The following FLNC variants were observed in gnomAD, a reference collection of about 807,000 sequenced individuals.
The protein encoded by FLNC is filamin-C.
Under a neutral mutation model 254.3 loss-of-function variants are expected in FLNC, and 91 were observed. The ratio of observed to expected loss-of-function variants is 0.36; its 90% confidence interval spans 0.30 to 0.43. The LOEUF (loss-of-function observed/expected upper bound fraction) is 0.43, where lower values mean the gene tolerates loss of function less well. Ranked by LOEUF, FLNC falls within the 20% of genes least tolerant of loss-of-function variation. The pLI, the probability that FLNC is intolerant of heterozygous loss-of-function variation, is 1.00. For missense variants in FLNC, 2,853 were observed against 3,802.6 expected (o/e 0.75, Z 6.57); for synonymous variants, 1,430 against 1,577.2 (o/e 0.91, Z 2.21).
chr7:128,840,881 G>A lies in FLNC; in HGVS notation c.1724G>A (p.Arg575Gln), dbSNP rs764751276. The change falls in exon 11 of 48, where the codon CGG becomes CAG. Residue 575 changes from arginine to glutamine, a missense_variant. By Grantham distance (43) the Arg-to-Gln change is conservative. Transcript: ENST00000325888. ...CCAGAGGCAGGAGTGCAAAAGGTCCGGGCCTGGGGTCCTGGTTTGGAGACT... is the reference window on the plus strand; with the variant it reads ...CCAGAGGCAGGAGTGCAAAAGGTCCAGGCCTGGGGTCCTGGTTTGGAGACT... ...VSPEAGVQKV[R>Q]AWGPGLETGQ... is the part of the protein sequence containing the mutation. The A allele has an allele frequency of 1.4e-5, 22 of 1,613,858 alleles. No individual in the cohort carries two copies. Among genetic ancestry groups the A allele is most frequent in the Non-Finnish European group, 1.4e-5 (17 of 1,179,992 alleles).
Position 128,842,345 on chromosome 7 carries a change from G to A in FLNC, c.2236G>A (p.Gly746Ser). ...IKHTIIISWG[G>S]VNVPKSPFRV... is the part of the protein sequence containing the mutation. ...GCACACCATCATCATCTCCTGGGGA[G>A]GCGTAAACGTGCCCAAGAGCCCCTT... Residue 746 changes from glycine (G) to serine (S), a missense_variant, in exon 14 of 48, where the codon GGC becomes AGC. Transcript: ENST00000325888. This position sits in a 1 kb window ranked among gnomAD's most constrained non-coding sequence, Gnocchi z 5.4. The A allele has an allele frequency of 6.2e-7, 1 of 1,613,706 alleles. No individual in the cohort carries two copies. Among genetic ancestry groups the A allele is most frequent in the Non-Finnish European group, 8.5e-7 (1 of 1,180,028 alleles).
At position 128,837,497 on chromosome 7, in the gene FLNC, CCT is replaced by C. The variant is rs1382352158; in HGVS notation, c.800_801del (p.Pro267ArgfsTer51). On this transcript the variant is annotated frameshift_variant, in exon 4 of 48. Coordinates refer to ENST00000325888, the MANE Select transcript of FLNC (RefSeq NM_001458.5). LOFTEE classifies it high-confidence loss of function. ...FPKAKLKPGA[P>X]VRSKQLNPKK... ...CAAGGCCAAGCTCAAACCTGGTGCC[CCT>C]GTTCGATCCAAGCAGCTGAACCCCA... 6.2e-7 allele frequency: 1 copy of C among 1,614,196 alleles called. No homozygotes were observed. Among genetic ancestry groups the C allele is most frequent in the East Asian group, 2.2e-5 (1 of 44,884 alleles).
Position 128,857,502 on chromosome 7 carries a change from G to A in FLNC, c.7780+166G>A, listed in dbSNP as rs555577538. Among the ~76,000 whole-genome samples the A allele has an allele frequency of 2.7e-5, 4 of 150,778 alleles. No individual in the cohort carries two copies. In the South Asian group the frequency reaches 6.3e-4, roughly 24 times the overall value. ...TACACAGTACACGTTCTGTGGAGTC[G>A]GGCATGATCACGTAAAAATGCCATT... On this transcript the variant is annotated intron_variant, in intron 46 of 47. Transcript: ENST00000325888. This position sits in a 1 kb window ranked among gnomAD's most constrained non-coding sequence, Gnocchi z 4.5.
At chr7:128,849,951 G>A (rs1307867229) in intron 30 of FLNC, 25 bp from the exon 31 acceptor site, 33 of 1,514,746 alleles carry the variant, frequency 2.2e-5, no homozygotes, top group Non-Finnish European at 3.0e-5. Context: ...GCCACACCCT[G>A]TGCCCCCGTG....
chr7:128,830,584 C>G lies in FLNC; in HGVS notation c.-54C>G. ...GCGCCCCAACAGCGCCCGACAGCCC[C>G]CGATAGCCCAAACCGCGGCCCTAGC... On this transcript the variant is annotated 5_prime_UTR_variant, in exon 1 of 48. Coordinates refer to ENST00000325888, the MANE Select transcript of FLNC (RefSeq NM_001458.5). 6.5e-7 allele frequency: 1 copy of G among 1,530,852 alleles called. No homozygotes were observed. The highest frequency in any genetic ancestry group is 9.0e-7 in the Non-Finnish European group (1 of 1,113,624). The allele number at this position is 1,530,852 out of a possible 1,614,324, so 94.8% of individuals were successfully genotyped here.
rs988307328 is a variant in FLNC, at chr7:128,844,209, C to A, written c.3135C>A (p.His1045Gln). ...PYKVDITYDG[H>Q]PVPGSPFAVE... is the part of the protein sequence containing the mutation. ...AGGTGGATATCACCTACGATGGTCACCCGGTGCCTGGCAGCCCGTTTGCTG... is the reference window on the plus strand; with the variant it reads ...AGGTGGATATCACCTACGATGGTCAACCGGTGCCTGGCAGCCCGTTTGCTG... Residue 1045 changes from histidine to glutamine, a missense_variant, in exon 20 of 48, where the codon CAC (histidine) becomes CAA (glutamine). Transcript: ENST00000325888. The A allele has an allele frequency of 1.9e-6, 3 of 1,612,400 alleles. No individual in the cohort carries two copies. Among genetic ancestry groups the A allele is most frequent in the Non-Finnish European group, 2.5e-6 (3 of 1,179,054 alleles).
At position 128,851,417 on chromosome 7, in the gene FLNC, G is replaced by A. The variant is rs200734118; in HGVS notation, c.5669-38G>A. On this transcript the variant is annotated intron_variant, in intron 34 of 47. Transcript: ENST00000325888. ...GAGACTCACCAGGGGCAGGGGTGAG[G>A]GCAGGACCTCTGATCTTGGCCACAC... is the stretch of plus-strand genomic sequence containing the variant. 4 of 1,607,548 alleles carry A rather than the reference G, an allele frequency of 2.5e-6. No homozygotes were observed. The East Asian group carries it at 8.9e-5, about 36-fold the overall frequency.
In FLNC at chr7:128,850,845, T is replaced by C; in HGVS notation, c.5441T>C (p.Ile1814Thr). Residue 1814 changes from isoleucine (I) to threonine (T), a missense_variant, in exon 33 of 48, where the codon ATC becomes ACC. Physicochemically the swap from Ile to Thr is moderately conservative, Grantham distance 89. Transcript: ENST00000325888. ...MPSGKTARPNITDNKDGTITV... is the reference protein window; with the variant it reads ...MPSGKTARPNTTDNKDGTITV... ...TCGGGGAAGACGGCACGGCCCAACA[T>C]CACCGACAACAAGGACGGCACCATC... The C allele has an allele frequency of 6.2e-7, 1 of 1,612,642 alleles. No individual in the cohort carries two copies. Among genetic ancestry groups the C allele is most frequent in the Non-Finnish European group, 8.5e-7 (1 of 1,179,858 alleles).
rs1258969168 is a variant in FLNC at position 128,842,690 on chromosome 7, C to T, written c.2381C>T (p.Ala794Val). The change falls in exon 15 of 48, where the codon GCG (alanine) becomes GTG (valine). Residue 794 changes from alanine to valine, a missense_variant. Transcript: ENST00000325888. The surrounding 1 kb of genome is among the most constrained non-coding windows in gnomAD (Gnocchi z 5.4). ...PTYFTVDCSE[A>V]GQGDVSIGIK... ...TACTTCACGGTGGACTGCAGCGAGG[C>T]GGGGCAAGGTGCGCCCAGCCGGAAG... The T allele has an allele frequency of 4.2e-6, 5 of 1,185,112 alleles. No homozygotes were observed. The highest frequency in any genetic ancestry group is 4.4e-5 in the East Asian group (1 of 22,894). 73.4% of individuals were successfully genotyped at this position (1,185,112 alleles called of 1,614,324 possible). A position where few individuals can be genotyped will look rare whatever the true frequency, so the allele number is the denominator to read the frequency against.
intron 1 of FLNC, among the ~76,000 whole-genome samples, chr7:128,834,168 C>T (rs1808000808): frequency 6.6e-6 from 1 of 152,258 alleles, no homozygotes; most frequent in Non-Finnish European, 1.5e-5. Flanking sequence ...TTCCAGCCTC[C>T]TGAAAGCAGT....
chr7:128,836,047 C>A lies in FLNC; in HGVS notation c.601+473C>A, dbSNP rs1808083354. ...TCTTCTCTGGGAGACCCTGGGATGA[C>A]TTTGAGAAGGGGTTGAGGCTCAGGA... On this transcript the variant is annotated intron_variant, in intron 2 of 47. Coordinates refer to ENST00000325888, the MANE Select transcript of FLNC (RefSeq NM_001458.5). The surrounding 1 kb of genome is among the most constrained non-coding windows in gnomAD (Gnocchi z 6.0). 6.6e-6 allele frequency among the ~76,000 whole-genome samples: 1 copy of A among 152,152 alleles called. No individual in the cohort carries two copies. The highest frequency in any genetic ancestry group is 2.4e-5 in the African/African-American group (1 of 41,434).
chr7:128,830,835 C>T lies in FLNC; in HGVS notation c.198C>T (p.Asp66=), dbSNP rs764772679. 21 of 1,612,984 alleles carry T rather than the reference C, an allele frequency of 1.3e-5. No homozygotes were observed. Among genetic ancestry groups the T allele is most frequent in the Non-Finnish European group, 1.8e-5 (21 of 1,179,960 alleles). ...CCGACCTGCAGCGCGACCTCAGCGACGGGCTCCGGCTCATCGCGCTGCTCG... is the reference window on the plus strand; with the variant it reads ...CCGACCTGCAGCGCGACCTCAGCGATGGGCTCCGGCTCATCGCGCTGCTCG... ...RLTDLQRDLS[D]GLRLIALLEV... Residue 66 remains aspartate, a synonymous_variant, in exon 1 of 48, where the codon GAC becomes GAT. Transcript: ENST00000325888.
chr7:128,854,822 A>G lies in FLNC; in HGVS notation c.7045A>G (p.Ile2349Val). The G allele has an allele frequency of 6.2e-7, 1 of 1,614,048 alleles. No individual in the cohort carries two copies. Reference protein sequence around the residue: ...TREAGAGGLSIAVEGPSKAEI... With the variant: ...TREAGAGGLSVAVEGPSKAEI... ...GGAGGCTGGCGCTGGGGGCCTGTCC[A>G]TTGCTGTGGAGGGTCCTAGCAAAGC... is the stretch of plus-strand genomic sequence containing the variant. The change falls in exon 42 of 48, where the codon ATT (isoleucine) becomes GTT (valine). Residue 2349 changes from isoleucine (I) to valine (V), a missense_variant. By Grantham distance (29) the Ile-to-Val change is conservative. Transcript: ENST00000325888.
chr7:128,849,707 G>A, intron 30 of FLNC, 129 bp downstream of exon 30: 2 of 1,263,858 alleles, frequency 1.6e-6, no homozygotes, highest in South Asian at 1.4e-5. Flanking sequence ...GGGCCAGAGT[G>A]CTCCAGGATG....
In FLNC at chr7:128,837,409, T is replaced by G. The variant is rs749217540; in HGVS notation, c.711T>G (p.Pro237=). 9 of 1,614,084 alleles carry G rather than the reference T, an allele frequency of 5.6e-6. No individual in the cohort carries two copies. In the Admixed American group the frequency reaches 1.5e-4, roughly 27 times the overall value. The change falls in exon 4 of 48, where the codon CCT becomes CCG. Residue 237 remains proline (P), a synonymous_variant. Transcript: ENST00000325888. ...DWLGVPQVIA[P]EEIVDPNVDE... Reference sequence around the variant, plus strand: ...CCTTTCCATCGCAGGTCATTGCCCCTGAGGAGATTGTGGACCCCAACGTGG... The same window carrying G: ...CCTTTCCATCGCAGGTCATTGCCCCGGAGGAGATTGTGGACCCCAACGTGG...
At position 128,841,835 on chromosome 7, in the gene FLNC, G is replaced by A. The variant is rs1428714729; in HGVS notation, c.2121+268G>A. On this transcript the variant is annotated intron_variant, in intron 13 of 47. Coordinates refer to ENST00000325888, the MANE Select transcript of FLNC (RefSeq NM_001458.5). This position sits in a 1 kb window ranked among gnomAD's most constrained non-coding sequence, Gnocchi z 4.3. ...GATTGTTTCATTGAATAAGACACTGGTTTCCCAAGTCAGTTTCTCAGACTG... is the reference window on the plus strand; with the variant it reads ...GATTGTTTCATTGAATAAGACACTGATTTCCCAAGTCAGTTTCTCAGACTG... Among the ~76,000 whole-genome samples, 1 of 152,222 alleles carries A rather than the reference G, an allele frequency of 6.6e-6. No individual in the cohort carries two copies. Among genetic ancestry groups the A allele is most frequent in the Non-Finnish European group, 1.5e-5 (1 of 68,044 alleles).
At position 128,837,254 on chromosome 7, in the gene FLNC, C is replaced by G. The variant is rs2128934088; in HGVS notation, c.696C>G (p.Pro232=). ...MQQADDWLGV[P]QVIAPEEIVD... ...AGGCCGACGACTGGCTTGGGGTGCC[C>G]CAGGTACATGCGCAGATGGGGCAGG... The change falls in exon 3 of 48, where the codon CCC becomes CCG. Residue 232 remains proline, a synonymous_variant. Coordinates refer to ENST00000325888, the MANE Select transcript of FLNC (RefSeq NM_001458.5). The G allele has an allele frequency of 6.4e-7, 1 of 1,573,508 alleles. No homozygotes were observed. Among genetic ancestry groups the G allele is most frequent in the African/African-American group, 1.3e-5 (1 of 74,214 alleles).
At chr7:128,855,096 A>G in intron 42 of FLNC, 103 bp from the exon 43 acceptor site, 1 of 1,070,070 alleles carries the variant, frequency 9.3e-7, no homozygotes, top group Non-Finnish European at 1.4e-6. Flanking sequence ...TCCAGATCTG[A>G]GCGCTGACCA....
rs2128932227 is a variant in FLNC at position 128,830,925 on chromosome 7, G to A, written c.288G>A (p.Lys96=). 6.2e-7 allele frequency: 1 copy of A among 1,612,826 alleles called. No homozygotes were observed. The change falls in exon 1 of 48, where the codon AAG becomes AAA. Residue 96 remains lysine, a synonymous_variant. Coordinates refer to ENST00000325888, the MANE Select transcript of FLNC (RefSeq NM_001458.5). Reference sequence around the variant, plus strand: ...CGCGCCCCAACTTCCGCCAAATGAAGCTGGAGAACGTGTCCGTGGCCCTCG... The same window carrying A: ...CGCGCCCCAACTTCCGCCAAATGAAACTGGAGAACGTGTCCGTGGCCCTCG... ...FHPRPNFRQM[K]LENVSVALEF... is the part of the protein sequence containing the mutation.
Sources: allele counts gnomAD v4.1 joint callset (sites outside exome capture counted in the v4.1 genomes callset), GRCh38; gene constraint gnomAD v4.1.1; non-coding constraint Gnocchi (gnomAD v3.1); transcripts MANE v1.5; gene names NCBI Gene and HGNC (gene_info 2026-07-23, HGNC 2026-07-21).